CAMKMT: variants seen among roughly 807,000 people sequenced by gnomAD.
CAMKMT encodes calmodulin-lysine N-methyltransferase, also known as CaM KMT.
In CAMKMT, 53 loss-of-function variants were observed where a neutral mutation model predicts 48.0. The observed-to-expected ratio is 1.10, with a 90% CI of 0.89 to 1.39. CAMKMT has a LOEUF of 1.39. Among genes scored for constraint, CAMKMT ranks in the 40% most tolerant of loss-of-function variants. The pLI, the probability that CAMKMT is intolerant of heterozygous loss-of-function variation, is 0.00. For synonymous variants in CAMKMT, 165 were observed against 152.3 expected, an observed-to-expected ratio of 1.08 and a Z score of -0.61; for missense variants, 428 against 402.7, an observed-to-expected ratio of 1.06 and a Z score of -0.54.
chr2:44,706,009 A>G (rs1318706133), intron 4 of CAMKMT, among the ~76,000 whole-genome samples: 1 of 152,178 alleles, frequency 6.6e-6, no homozygotes, highest in Non-Finnish European at 1.5e-5. Flanking sequence ...TGACAAGGGA[A>G]AAAAAGGGAA....
intron 3 of CAMKMT, among the ~76,000 whole-genome samples, chr2:44,515,614 T>A (rs1358950263): frequency 6.6e-6 from 1 of 152,116 alleles, no homozygotes; most frequent in Non-Finnish European, 1.5e-5. Flanking sequence ...AGTGAGTGAG[T>A]CAGTGATTTG....
chr2:44,369,339 A>T (rs80268850), intron 1 of CAMKMT, among the ~76,000 whole-genome samples: 4,106 of 152,338 alleles, frequency 0.027, 175 homozygotes, highest in African/African-American at 0.092. Flanking sequence ...AAATATATTC[A>T]TACTGATATA....
At chr2:44,704,877 G>A (rs1677466312) in intron 4 of CAMKMT, among the ~76,000 whole-genome samples, 3 of 151,558 alleles carry the variant, frequency 2.0e-5, no homozygotes, top group Admixed American at 1.3e-4. Flanking sequence ...TTCATGCTAC[G>A]GAAATAAGTG....
rs554817586 is a variant in CAMKMT, at chr2:44,480,868, G to A, written c.376+90563G>A. On this transcript the variant is annotated intron_variant, in intron 3 of 10. Transcript: ENST00000378494. ...CAAATTAAAACATACATATTTATAT[G>A]TATTATACATATCATACATAGAGAT... Among the ~76,000 whole-genome samples the A allele has an allele frequency of 2.6e-5, 4 of 151,994 alleles. No individual in the cohort carries two copies. The South Asian group carries it at 8.3e-4, about 32-fold the overall frequency.
chr2:44,700,856 A>G (rs182401073), intron 3 of CAMKMT, among the ~76,000 whole-genome samples: 1 of 152,330 alleles, frequency 6.6e-6, no homozygotes, highest in African/African-American at 2.4e-5. Context: ...ACAAACCTTC[A>G]ATTTGTAAAA....
intron 3 of CAMKMT, among the ~76,000 whole-genome samples, chr2:44,563,924 C>A (rs374886294): frequency 6.6e-6 from 1 of 152,030 alleles, no homozygotes; most frequent in African/African-American, 2.4e-5. Flanking sequence ...TGAATAGTGC[C>A]GCAATGAACA....
chr2:44,513,860 G>A (rs1389944445), intron 3 of CAMKMT, among the ~76,000 whole-genome samples: 2 of 152,038 alleles, frequency 1.3e-5, no homozygotes, highest in African/African-American at 4.8e-5. Flanking sequence ...CAGCACTTTG[G>A]AAGGCTGAGG....
At chr2:44,581,953 C>T (rs1263439013) in intron 3 of CAMKMT, among the ~76,000 whole-genome samples, 2 of 152,216 alleles carry the variant, frequency 1.3e-5, no homozygotes, top group Non-Finnish European at 2.9e-5. Flanking sequence ...GAGCCAAGAT[C>T]GTGCCGCTGC....
chr2:44,608,123 A>G (rs1671396374), intron 3 of CAMKMT, among the ~76,000 whole-genome samples: 1 of 130,476 alleles, frequency 7.7e-6, no homozygotes, highest in African/African-American at 3.0e-5. Context: ...CCCAGGCTGG[A>G]GTGCAGTGGC....
chr2:44,496,413 T>C (rs181520869), intron 3 of CAMKMT, among the ~76,000 whole-genome samples: 8 of 152,350 alleles, frequency 5.3e-5, no homozygotes, highest in Non-Finnish European at 1.0e-4. Flanking sequence ...CTATTTATTA[T>C]GTATTTGTAA....
At chr2:44,704,393 CA>C (rs769624168) in intron 4 of CAMKMT, 50 bp downstream of exon 4, 3 of 1,230,086 alleles carry the variant, frequency 2.4e-6, no homozygotes, top group Admixed American at 2.3e-5. Context: ...GATATTGAAT[CA>C]ACATATTAAA....
intron 1 of CAMKMT, among the ~76,000 whole-genome samples, chr2:44,372,334 A>T (rs527855306): frequency 6.4e-4 from 97 of 152,180 alleles, no homozygotes; most frequent in African/African-American, 2.2e-3. Flanking sequence ...AAATTTAAAA[A>T]ATTAACCAGA....
chr2:44,448,436 A>G lies in CAMKMT; in HGVS notation c.376+58131A>G, dbSNP rs1667119855. Among the ~76,000 whole-genome samples, 3 of 152,282 alleles carry G rather than the reference A, an allele frequency of 2.0e-5. No homozygotes were observed. In the South Asian group the frequency reaches 6.2e-4, roughly 32 times the overall value. On this transcript the variant is annotated intron_variant, in intron 3 of 10. Coordinates refer to ENST00000378494, the MANE Select transcript of CAMKMT (RefSeq NM_024766.5). ...ACTACAATAAATGGTGCTGCGTGAG[A>G]ATTTCTTTGGGCTGTACACCCAGGT...
intron 3 of CAMKMT, among the ~76,000 whole-genome samples, chr2:44,560,442 A>AT (rs945885411): frequency 1.3e-4 from 19 of 150,370 alleles, no homozygotes; most frequent in Admixed American, 2.0e-4. Context: ...TAATTTTTTA[A>AT]TTTTTTTTTT....
chr2:44,363,152 C>A (rs1335501015), intron 1 of CAMKMT, among the ~76,000 whole-genome samples: 1 of 152,138 alleles, frequency 6.6e-6, no homozygotes, highest in Non-Finnish European at 1.5e-5. Context: ...AGTAGATCAT[C>A]AGAGTTAATT....
chr2:44,447,654 A>G (rs1333174168), intron 3 of CAMKMT, among the ~76,000 whole-genome samples: 1 of 152,276 alleles, frequency 6.6e-6, no homozygotes, highest in Non-Finnish European at 1.5e-5. Flanking sequence ...AAAAGGGCAC[A>G]GTAACCCATG....
chr2:44,689,627 G>A (rs1558798021), intron 3 of CAMKMT, among the ~76,000 whole-genome samples: 2 of 152,148 alleles, frequency 1.3e-5, no homozygotes, highest in Admixed American at 6.5e-5. Context: ...GACATGTGGT[G>A]TTTCTGGGGA....
chr2:44,583,888 G>A (rs762417783), intron 3 of CAMKMT, among the ~76,000 whole-genome samples: 4 of 152,108 alleles, frequency 2.6e-5, no homozygotes, highest in Non-Finnish European at 4.4e-5. Context: ...ATTTAGACAA[G>A]TGTATACAAA....
intron 3 of CAMKMT, among the ~76,000 whole-genome samples, chr2:44,477,903 A>G (rs1205489126): frequency 6.6e-6 from 1 of 152,194 alleles, no homozygotes; most frequent in African/African-American, 2.4e-5. Flanking sequence ...TAACAAAGCT[A>G]CTTCACACAA....
Sources: allele counts gnomAD v4.1 joint callset (sites outside exome capture counted in the v4.1 genomes callset), GRCh38; gene constraint gnomAD v4.1.1; transcripts MANE v1.5; gene names NCBI Gene and HGNC (gene_info 2026-07-23, HGNC 2026-07-21).